Variants in EFR3B observed in about 807,000 individuals in gnomAD.
EFR3B encodes EFR3 homolog B, also known as protein EFR3 homolog B.
EFR3B carries 64 observed loss-of-function variants against 104.7 expected under a neutral mutation model. That is an observed-to-expected ratio of 0.61 (90% CI 0.50 to 0.75). EFR3B has a LOEUF of 0.75. Among genes scored for constraint, EFR3B ranks in the 30% least tolerant of loss-of-function variants. The probability of loss-of-function intolerance (pLI) is 0.00; values close to 1 mark genes in which losing one functional copy is unlikely to be tolerated. For synonymous variants in EFR3B, 385 were observed against 417.9 expected, an observed-to-expected ratio of 0.92 and a Z score of 0.96; for missense variants, 750 against 1,078.5, an observed-to-expected ratio of 0.70 and a Z score of 4.27.
In EFR3B at chr2:25,056,547, A is replaced by G. The variant is rs1668028382; in HGVS notation, c.7+14228A>G. Among the ~76,000 whole-genome samples, 3 of 151,266 alleles carry G rather than the reference A, an allele frequency of 2.0e-5. No homozygotes were observed. In the Admixed American group the frequency reaches 2.0e-4, roughly 10 times the overall value. ...CAGCCAGCTGGAATGTTCCTGATAA[A>G]CCACTAAGCAGCCTTGTGCACCTTC... On this transcript the variant is annotated intron_variant, in intron 1 of 22. Coordinates refer to ENST00000403714, the MANE Select transcript of EFR3B (RefSeq NM_014971.2).
chr2:25,118,190 G>A (rs918313013), intron 4 of EFR3B, among the ~76,000 whole-genome samples: 4 of 151,390 alleles, frequency 2.6e-5, no homozygotes, highest in South Asian at 4.2e-4. Context: ...CCTGTTGTCC[G>A]GGCTGGTCTC....
At position 25,120,606 on chromosome 2, in the gene EFR3B, T is replaced by C. The variant is rs1441222357; in HGVS notation, c.364-1067T>C. Among the ~76,000 whole-genome samples, 4 of 152,136 alleles carry C rather than the reference T, an allele frequency of 2.6e-5. No homozygotes were observed. The East Asian group carries it at 7.7e-4, about 29-fold the overall frequency. ...TTGTAGTGAGCTGAGATCGCGCCAC[T>C]GCACTCCAGCCTGGCGACAGAGCAA... On this transcript the variant is annotated intron_variant, in intron 4 of 22. Transcript: ENST00000403714.
At chr2:25,050,709 A>G (rs1252228827) in intron 1 of EFR3B, among the ~76,000 whole-genome samples, 1 of 152,224 alleles carries the variant, frequency 6.6e-6, no homozygotes. Context: ...AAAAAAATGC[A>G]TATAAGCAGG....
At chr2:25,066,267 C>A (rs1301617853) in intron 1 of EFR3B, among the ~76,000 whole-genome samples, 1 of 152,168 alleles carries the variant, frequency 6.6e-6, no homozygotes, top group African/African-American at 2.4e-5. Flanking sequence ...TTGCTCCATC[C>A]ATTTATCCAC....
Position 25,128,292 on chromosome 2 carries a change from T to G in EFR3B, c.595T>G (p.Ser199Ala). 1 of 1,551,846 alleles carries G rather than the reference T, an allele frequency of 6.4e-7. No individual in the cohort carries two copies. Among genetic ancestry groups the G allele is most frequent in the Non-Finnish European group, 8.7e-7 (1 of 1,147,040 alleles). Reference sequence around the variant, plus strand: ...ACAGCACATGGATAAGATCGTTCCATCACTGCTTTTCAATCTACAGCATGT... The same window carrying G: ...ACAGCACATGGATAAGATCGTTCCAGCACTGCTTTTCAATCTACAGCATGT... ...DPQHMDKIVP[S>A]LLFNLQHVEE... Residue 199 changes from serine (S) to alanine (A), a missense_variant, in exon 6 of 23, where the codon TCA becomes GCA. Physicochemically the swap from Ser to Ala is moderately conservative, Grantham distance 99. Coordinates refer to ENST00000403714, the MANE Select transcript of EFR3B (RefSeq NM_014971.2).
intron 5 of EFR3B, among the ~76,000 whole-genome samples, chr2:25,124,555 AC>A (rs1670112474): frequency 6.6e-6 from 1 of 151,118 alleles, no homozygotes; most frequent in Admixed American, 6.6e-5. Flanking sequence ...ACACGGTGAA[AC>A]CCCTATTTAG....
chr2:25,053,939 A>T (rs142170899), intron 1 of EFR3B, among the ~76,000 whole-genome samples: 2 of 152,100 alleles, frequency 1.3e-5, no homozygotes, highest in Non-Finnish European at 2.9e-5. Context: ...CACACAAACA[A>T]AAAATTCCTT....
intron 1 of EFR3B, among the ~76,000 whole-genome samples, chr2:25,044,616 A>T (rs958658211): frequency 6.6e-6 from 1 of 152,060 alleles, no homozygotes; most frequent in Non-Finnish European, 1.5e-5. Flanking sequence ...TGTGTGTCCT[A>T]TAAAGTCTCA....
Position 25,070,556 on chromosome 2 carries a change from T to G in EFR3B, c.8-20769T>G, listed in dbSNP as rs372782666. Among the ~76,000 whole-genome samples the G allele has an allele frequency of 1.9e-3, 285 of 152,256 alleles. 2 individuals are homozygous for G. Among genetic ancestry groups the G allele is most frequent in the African/African-American group, 6.5e-3 (268 of 41,550 alleles). ...AGGATTACAGGCGTGAGCCACCGCA[T>G]CCTACTGGCTTCTGATGATTTTAAA... On this transcript the variant is annotated intron_variant, in intron 1 of 22. Transcript: ENST00000403714.
At chr2:25,134,221 T>G (rs1001912564) in intron 12 of EFR3B, among the ~76,000 whole-genome samples, 8 of 151,926 alleles carry the variant, frequency 5.3e-5, no homozygotes, top group Admixed American at 3.3e-4. Context: ...CTCTTGTTGC[T>G]TAGGCTGGAG....
At chr2:25,053,207 G>A (rs1157119412) in intron 1 of EFR3B, among the ~76,000 whole-genome samples, 2 of 152,226 alleles carry the variant, frequency 1.3e-5, no homozygotes, top group African/African-American at 2.4e-5. Flanking sequence ...GAGGCTGGGA[G>A]CTCTCACTTC....
At chr2:25,144,903 T>C in intron 18 of EFR3B, 57 bp from the exon 19 acceptor site, 2 of 1,475,980 alleles carry the variant, frequency 1.4e-6, no homozygotes, top group South Asian at 2.4e-5. Context: ...GACTAGCAGC[T>C]CAGTCCTGGA....
intron 1 of EFR3B, chr2:25,081,599 C>G: frequency 1.2e-6 from 1 of 819,072 alleles, no homozygotes; most frequent in Non-Finnish European, 2.2e-6. Flanking sequence ...CTTCCTAGAG[C>G]CTGAGCAGTG....
chr2:25,139,214 C>T lies in EFR3B; in HGVS notation c.1854+24C>T, dbSNP rs374060861. Reference sequence around the variant, plus strand: ...AGGTTGGTGTTCTCACGACCAAGAGCTCAGGGGGCCCTCAACTTGGGGTTT... The same window carrying T: ...AGGTTGGTGTTCTCACGACCAAGAGTTCAGGGGGCCCTCAACTTGGGGTTT... On this transcript the variant is annotated intron_variant, in intron 16 of 22. Transcript: ENST00000403714. The T allele has an allele frequency of 8.5e-5, 132 of 1,544,414 alleles. No individual in the cohort carries two copies. In the African/African-American group the frequency reaches 1.7e-3, roughly 20 times the overall value.
rs559882075 is a variant in EFR3B, at chr2:25,105,397, C to T, written c.363+1610C>T. 5.3e-5 allele frequency among the ~76,000 whole-genome samples: 8 copies of T among 152,300 alleles called. No individual in the cohort carries two copies. In the East Asian group the frequency reaches 7.7e-4, roughly 15 times the overall value. ...AACTCCTGGGCTCAAGTGATTCACC[C>T]GCCTCAGCCTCCCAAAGTGCTGGAA... On this transcript the variant is annotated intron_variant, in intron 4 of 22. Coordinates refer to ENST00000403714, the MANE Select transcript of EFR3B (RefSeq NM_014971.2).
chr2:25,133,072 A>G, intron 11 of EFR3B, 58 bp downstream of exon 11: 1 of 1,445,150 alleles, frequency 6.9e-7, no homozygotes, highest in Non-Finnish European at 9.5e-7. Context: ...GCATTTTCTG[A>G]CCCCCTCCTT....
intron 1 of EFR3B, among the ~76,000 whole-genome samples, chr2:25,084,803 G>A (rs758868391): frequency 1.3e-5 from 2 of 152,208 alleles, no homozygotes; most frequent in African/African-American, 4.8e-5. Flanking sequence ...AGAAAGGGTT[G>A]CATTTTTTAG....
At chr2:25,110,000 G>T (rs1394111807) in intron 4 of EFR3B, among the ~76,000 whole-genome samples, 1 of 152,124 alleles carries the variant, frequency 6.6e-6, no homozygotes, top group African/African-American at 2.4e-5. Context: ...CAGGTTGGGG[G>T]GAGGGCGGCT....
At chr2:25,046,506 C>T (rs1390240350) in intron 1 of EFR3B, among the ~76,000 whole-genome samples, 13 of 119,100 alleles carry the variant, frequency 1.1e-4, no homozygotes, top group Middle Eastern at 4.2e-3. Flanking sequence ...AGTACAAAGT[C>T]TTTTTTTTTT....
Sources: gnomAD v4.1 joint callset for allele counts (sites outside exome capture counted in the v4.1 genomes callset) on GRCh38, gnomAD v4.1.1 for gene constraint, MANE v1.5 for transcripts, NCBI Gene and HGNC (gene_info 2026-07-23, HGNC 2026-07-21) for gene names.